Variants in LAMA5 observed in about 807,000 individuals in gnomAD.
LAMA5 encodes laminin subunit alpha-5.
In LAMA5, 260 loss-of-function variants were observed where a neutral mutation model predicts 433.4. The ratio of observed to expected loss-of-function variants is 0.60; its 90% CI spans 0.54 to 0.66. LAMA5 has a LOEUF of 0.66. LAMA5 is among the 30% of genes least tolerant of loss of function. The pLI is 0.00. For synonymous variants in LAMA5, 2,620 were observed against 2,226.6 expected, an observed-to-expected ratio of 1.18 and a Z score of -4.97; for missense variants, 5,378 against 5,258.5, an observed-to-expected ratio of 1.02 and a Z score of -0.70.
Position 62,312,155 on chromosome 20 carries a change from A to G in LAMA5, c.9504+18T>C. On this transcript the variant is annotated intron_variant, in intron 69 of 79. Transcript: ENST00000252999. The stretch of plus-strand genomic sequence containing the variant: ...GGCCACCGCGGGGTGGGGAATGGGC[A>G]CGGGTGTGAGGTCTCACCGGGGACG... The G allele has an allele frequency of 6.2e-7, 1 of 1,610,674 alleles. No individual in the cohort carries two copies.
intron 1 of LAMA5, among the ~76,000 whole-genome samples, chr20:62,363,352 G>A (rs1423433369): frequency 6.6e-6 from 1 of 152,190 alleles, no homozygotes; most frequent in South Asian, 2.1e-4. Context: ...CCAAAGAGTG[G>A]GGATAAGGCT....
At chr20:62,340,305 G>GTTTTT (rs34415039) in intron 11 of LAMA5, among the ~76,000 whole-genome samples, 16 of 99,460 alleles carry the variant, frequency 1.6e-4, no homozygotes, top group East Asian at 3.4e-4. Flanking sequence ...AGCCTCCTTT[G>GTTTTT]TTTTTTTTTT....
rs1344143091 is a variant in LAMA5 at position 62,318,347 on chromosome 20, AGGGAGGGGAGGACGAG to A, written c.7239+91_7239+106del. 28 of 356,930 alleles carry A rather than the reference AGGGAGGGGAGGACGAG, an allele frequency of 7.8e-5. 1 individual carries two copies. Among genetic ancestry groups the A allele is most frequent in the Middle Eastern group, 7.4e-4 (1 of 1,360 alleles). The allele number at this position is 356,930 out of a possible 1,614,324, so 22.1% of individuals were successfully genotyped here. A position where few individuals can be genotyped will look rare whatever the true frequency, so the allele number is the denominator to read the frequency against. On this transcript the variant is annotated intron_variant, in intron 53 of 79. Coordinates refer to ENST00000252999, the MANE Select transcript of LAMA5 (RefSeq NM_005560.6). Reference sequence around the variant, plus strand: ...GGGAGGACGAGGGAGGGGAGGACGGAGGGAGGGGAGGACGAGGGGAGGGGAGGGGAGGAGCCGGAGA... The same window carrying A: ...GGGAGGACGAGGGAGGGGAGGACGGAGGGAGGGGAGGGGAGGAGCCGGAGA...
rs754196677 is a variant in LAMA5 at position 62,352,228 on chromosome 20, C to T, written c.687+14G>A. ...TCTCCAGCCCCCGTACCGCCCTGCC[C>T]CTCCCCGGCCCACCTCTCCGTTCTC... On this transcript the variant is annotated intron_variant, in intron 4 of 79. Transcript: ENST00000252999. The T allele has an allele frequency of 6.3e-7, 1 of 1,595,544 alleles. No homozygotes were observed. Among genetic ancestry groups the T allele is most frequent in the Non-Finnish European group, 8.5e-7 (1 of 1,176,904 alleles).
chr20:62,317,109 G>A (rs956989529), intron 55 of LAMA5, 86 bp from the exon 56 acceptor site: 67 of 1,409,314 alleles, frequency 4.8e-5, no homozygotes, highest in African/African-American at 1.0e-4. Context: ...ACAACCAGCC[G>A]TGCCCGTGCC....
In LAMA5 at chr20:62,325,559, G is replaced by A; in HGVS notation, c.5299-13C>T. 1 of 1,571,686 alleles carries A rather than the reference G, an allele frequency of 6.4e-7. No individual in the cohort carries two copies. Among genetic ancestry groups the A allele is most frequent in the Non-Finnish European group, 8.7e-7 (1 of 1,147,348 alleles). On this transcript the variant is annotated splice_polypyrimidine_tract_variant and intron_variant, in intron 40 of 79. Coordinates refer to ENST00000252999, the MANE Select transcript of LAMA5 (RefSeq NM_005560.6). ...GCCGGAAGTTCCCCTGTGGGTCCAG[G>A]ATGGCACCTCAGTGGGGCCACACTC...
intron 77 of LAMA5, 39 bp from the exon 78 acceptor site, chr20:62,310,120 A>C: frequency 1.2e-6 from 2 of 1,611,246 alleles, no homozygotes; most frequent in South Asian, 1.1e-5. Context: ...TATGCCCCCG[A>C]GGTCACCAGA....
In LAMA5 at chr20:62,325,132, A is replaced by ACGAGGGG. The variant is rs368504842; in HGVS notation, c.5529+183_5529+184insCCCCTCG. ...AGGCAGGCGGACGAGGGGCAGGCAGACAGGCAGCAGGGGACAGGCAGGCCC... is the reference window on the plus strand; with the variant it reads ...AGGCAGGCGGACGAGGGGCAGGCAGACGAGGGGCAGGCAGCAGGGGACAGGCAGGCCC... On this transcript the variant is annotated intron_variant, in intron 41 of 79. Transcript: ENST00000252999. 2.5e-5 allele frequency: 14 copies of ACGAGGGG among 570,296 alleles called. No individual in the cohort carries two copies. In the Admixed American group the frequency reaches 3.7e-4, roughly 15 times the overall value. 35.3% of individuals were successfully genotyped at this position (570,296 alleles called of 1,614,324 possible).
chr20:62,315,140 A>T lies in LAMA5; in HGVS notation c.7935T>A (p.Arg2645=). The T allele has an allele frequency of 6.2e-7, 1 of 1,610,386 alleles. No homozygotes were observed. Among genetic ancestry groups the T allele is most frequent in the South Asian group, 1.1e-5 (1 of 91,056 alleles). ...GCATGGCCTGCAGCTGGGACTGCAC[A>T]CGGGTGGCGGTGTCCTGGGCTTCAG... ...VAAEAQDTAT[R]VQSQLQAMQE... Residue 2645 remains arginine, a synonymous_variant, in exon 59 of 80, where the codon CGT becomes CGA. Transcript: ENST00000252999.
Position 62,312,035 on chromosome 20 carries a change from C to T in LAMA5, c.9520G>A (p.Val3174Met), listed in dbSNP as rs376460778. The T allele has an allele frequency of 4.3e-6, 7 of 1,612,050 alleles. No individual in the cohort carries two copies. The African/African-American group carries it at 9.3e-5, about 22-fold the overall frequency. The change falls in exon 70 of 80, where the codon GTG becomes ATG. Residue 3174 changes from valine to methionine, a missense_variant. Val to Met is a conservative substitution (Grantham distance 21, BLOSUM62 1). Transcript: ENST00000252999. Reference sequence around the variant, plus strand: ...CTCACACGGCCCTGCTGCAGGGACACCTGGCATAGCCCATCCTGGGGACGG... The same window carrying T: ...CTCACACGGCCCTGCTGCAGGGACATCTGGCATAGCCCATCCTGGGGACGG... ...YRASPDGLCQ[V>M]SLQQGRVSLQ...
chr20:62,367,271 G>A lies in LAMA5; in HGVS notation c.-26C>T, dbSNP rs1403782374. 3.2e-5 allele frequency: 37 copies of A among 1,151,952 alleles called. No individual in the cohort carries two copies. Among genetic ancestry groups the A allele is most frequent in the Non-Finnish European group, 3.8e-5 (36 of 937,858 alleles). 71.4% of individuals were successfully genotyped at this position (1,151,952 alleles called of 1,614,324 possible). On this transcript the variant is annotated 5_prime_UTR_variant, in exon 1 of 80. Coordinates refer to ENST00000252999, the MANE Select transcript of LAMA5 (RefSeq NM_005560.6). ...CTTCCCGGCTCCGGGCCGCGTCCCCGAGCTCCAGGGACAGCGCGCGCGGCG... is the reference window on the plus strand; with the variant it reads ...CTTCCCGGCTCCGGGCCGCGTCCCCAAGCTCCAGGGACAGCGCGCGCGGCG...
chr20:62,362,295 C>T lies in LAMA5; in HGVS notation c.450+105G>A. ...GTGTCCAGCCTCCCAGGCCCCAGGT[C>T]TCGCTCACGGTGGAGACCTCGCCTT... On this transcript the variant is annotated intron_variant, in intron 2 of 79. Coordinates refer to ENST00000252999, the MANE Select transcript of LAMA5 (RefSeq NM_005560.6). 2.5e-6 allele frequency: 3 copies of T among 1,180,780 alleles called. No individual in the cohort carries two copies. In the South Asian group the frequency reaches 7.7e-5, roughly 30 times the overall value. The allele number at this position is 1,180,780 out of a possible 1,614,324, so 73.1% of individuals were successfully genotyped here. A position where few individuals can be genotyped will look rare whatever the true frequency, so the allele number is the denominator to read the frequency against.
chr20:62,319,155 G>A, intron 51 of LAMA5, 142 bp from the exon 52 acceptor site: 1 of 855,488 alleles, frequency 1.2e-6, no homozygotes, highest in Non-Finnish European at 1.7e-6. Context: ...GTGGCCCCTA[G>A]AGCACCTGGC....
rs1364917857 is a variant in LAMA5, at chr20:62,309,373, T to A, written c.11051A>T (p.His3684Leu). Residue 3684 changes from histidine to leucine, a missense_variant, in exon 80 of 80, where the codon CAC becomes CTC. Coordinates refer to ENST00000252999, the MANE Select transcript of LAMA5 (RefSeq NM_005560.6). Reference protein sequence around the residue: ...PVAMTRSVEVHGAVGASGCPA... With the variant: ...PVAMTRSVEVLGAVGASGCPA... ...GCAGCCACTGGCCCCCACTGCCCCGTGGACCTCCACAGAGCGAGTCATGGC... is the reference window on the plus strand; with the variant it reads ...GCAGCCACTGGCCCCCACTGCCCCGAGGACCTCCACAGAGCGAGTCATGGC... 2 of 1,590,690 alleles carry A rather than the reference T, an allele frequency of 1.3e-6. No homozygotes were observed. Among genetic ancestry groups the A allele is most frequent in the South Asian group, 2.2e-5 (2 of 89,048 alleles).
rs1470765869 is a variant in LAMA5, at chr20:62,337,688, C to T, written c.2066G>A (p.Cys689Tyr). The T allele has an allele frequency of 6.2e-7, 1 of 1,611,702 alleles. No individual in the cohort carries two copies. The highest frequency in any genetic ancestry group is 8.5e-7 in the Non-Finnish European group (1 of 1,179,370). ...CSAEGSLHAA[C>Y]DPRSGQCSCR... ...GCTGCACTGCCCACTCCGGGGGTCA[C>T]AGGCTGCGTGCAGGGAGCCTTCAGC... Residue 689 changes from cysteine to tyrosine, a missense_variant, in exon 16 of 80, where the codon TGT becomes TAT. Coordinates refer to ENST00000252999, the MANE Select transcript of LAMA5 (RefSeq NM_005560.6).
In LAMA5 at chr20:62,336,452, G is replaced by A; in HGVS notation, c.2218-7C>T. 1.2e-6 allele frequency: 2 copies of A among 1,610,070 alleles called. No homozygotes were observed. Among genetic ancestry groups the A allele is most frequent in the African/African-American group, 1.3e-5 (1 of 74,992 alleles). On this transcript the variant is annotated splice_polypyrimidine_tract_variant and splice_region_variant and intron_variant, in intron 17 of 79. Transcript: ENST00000252999. ...ACATACAGGGAACCTGTGCCTGGGA[G>A]AGGACAAGACTGCAGGTCAGAGCGG...
rs780673654 is a variant in LAMA5 at position 62,312,757 on chromosome 20, GC to G, written c.9101del (p.Gly3034AlafsTer73). On this transcript the variant is annotated frameshift_variant, in exon 67 of 80. Coordinates refer to ENST00000252999, the MANE Select transcript of LAMA5 (RefSeq NM_005560.6). LOFTEE classifies it high-confidence loss of function. ...SKAIQVFLLGGSRKRVLVRVE... is the reference protein window; with the variant it reads ...SKAIQVFLLGXSRKRVLVRVE... The stretch of plus-strand genomic sequence containing the variant: ...CACGCACCAGCACACGCTTGCGGCT[GC>G]CCCCCAGCAGGAACACCTGGATCTA... 6 of 1,589,846 alleles carry G rather than the reference GC, an allele frequency of 3.8e-6. No individual in the cohort carries two copies. The highest frequency in any genetic ancestry group is 3.4e-5 in the South Asian group (3 of 88,574).
At chr20:62,363,834 C>A (rs1044798669) in intron 1 of LAMA5, among the ~76,000 whole-genome samples, 1 of 152,098 alleles carries the variant, frequency 6.6e-6, no homozygotes, top group Non-Finnish European at 1.5e-5. Context: ...AGAGTGTGCC[C>A]TCTGCCTCCA....
intron 46 of LAMA5, 38 bp downstream of exon 46, chr20:62,322,620 G>GGGGGGGGCC: frequency 1.4e-6 from 2 of 1,399,010 alleles, no homozygotes; most frequent in African/African-American, 1.4e-5. Flanking sequence ...TAGTCCCTAG[G>GGGGGGGGCC]CCCCACCCAC....
Sources: gnomAD v4.1 joint callset for allele counts (sites outside exome capture counted in the v4.1 genomes callset) on GRCh38, gnomAD v4.1.1 for gene constraint, MANE v1.5 for transcripts, NCBI Gene and HGNC (gene_info 2026-07-23, HGNC 2026-07-21) for gene names.